The following CD72 variants were observed in gnomAD, a reference collection of about 807,000 sequenced individuals.
The protein encoded by CD72 is CD72 molecule.
In CD72, 28 loss-of-function variants were observed where a neutral mutation model predicts 50.7. That is an observed-to-expected ratio of 0.55 (90% CI 0.41 to 0.76). CD72 has a LOEUF of 0.76. CD72 is among the 30% of genes least tolerant of loss of function. The pLI is 0.00. For synonymous variants in CD72, 176 were observed against 171.2 expected, an observed-to-expected ratio of 1.03 and a Z score of -0.22; for missense variants, 403 against 420.6, an observed-to-expected ratio of 0.96 and a Z score of 0.37.
intron 1 of CD72, among the ~76,000 whole-genome samples, chr9:35,637,028 G>A (rs1384099382): frequency 3.3e-5 from 5 of 151,914 alleles, no homozygotes; most frequent in South Asian, 2.1e-4. Flanking sequence ...CCACCCTTGC[G>A]ATAAGTACTT....
chr9:35,640,843 C>G (rs1213631232), intron 1 of CD72, among the ~76,000 whole-genome samples: 1 of 152,226 alleles, frequency 6.6e-6, no homozygotes, highest in African/African-American at 2.4e-5. Context: ...CTTGAATGCC[C>G]GGGTTTATAT....
In CD72 at chr9:35,610,704, A is replaced by G. The variant is rs1587898966; in HGVS notation, c.1000T>C (p.Trp334Arg). 4 of 1,612,770 alleles carry G rather than the reference A, an allele frequency of 2.5e-6. No individual in the cohort carries two copies. The East Asian group carries it at 6.7e-5, about 27-fold the overall frequency. ...KCNKVHKTWS[W>R]WTLESESCRS... is the part of the protein sequence containing the mutation. Reference sequence around the variant, plus strand: ...CATGACTCTGACTCCAGTGTCCACCATGACCAAGTTTTATGTACCTTGTTA... The same window carrying G: ...CATGACTCTGACTCCAGTGTCCACCGTGACCAAGTTTTATGTACCTTGTTA... The change falls in exon 8 of 9, where the codon TGG (tryptophan) becomes CGG (arginine). Residue 334 changes from tryptophan (W) to arginine (R), a missense_variant. Physicochemically the swap from Trp to Arg is moderately radical, Grantham distance 101. Transcript: ENST00000259633.
chr9:35,622,680 A>C (rs966767559), upstream of CD72, among the ~76,000 whole-genome samples: 1 of 152,070 alleles, frequency 6.6e-6, no homozygotes, highest in Non-Finnish European at 1.5e-5. Context: ...CCAGCTACCC[A>C]GGAGGCTGAA....
upstream of CD72, among the ~76,000 whole-genome samples, chr9:35,622,599 C>T (rs1823154383): frequency 6.6e-6 from 1 of 151,972 alleles, no homozygotes; most frequent in Non-Finnish European, 1.5e-5. Context: ...CCAGCCTGGC[C>T]AATATGGTGA....
intron 5 of CD72, among the ~76,000 whole-genome samples, chr9:35,613,314 C>T (rs1158085672): frequency 1.3e-5 from 2 of 152,100 alleles, no homozygotes; most frequent in African/African-American, 4.8e-5. Flanking sequence ...CTCCTCCACT[C>T]CCTAAAGCAC....
intron 1 of CD72, among the ~76,000 whole-genome samples, chr9:35,631,602 G>A (rs1823246591): frequency 6.6e-6 from 1 of 151,980 alleles, no homozygotes; most frequent in Non-Finnish European, 1.5e-5. Context: ...CAGTTTAAAC[G>A]GCATAGAACG....
intron 1 of CD72, among the ~76,000 whole-genome samples, chr9:35,625,830 A>C (rs1587906171): frequency 1.3e-5 from 2 of 152,182 alleles, no homozygotes; most frequent in African/African-American, 4.8e-5. Flanking sequence ...CAAAGCCTGG[A>C]TGACAGCACA....
chr9:35,635,683 TG>T (rs1430921414), intron 1 of CD72, among the ~76,000 whole-genome samples: 1 of 152,220 alleles, frequency 6.6e-6, no homozygotes, highest in Non-Finnish European at 1.5e-5. Flanking sequence ...TTAGTTTTGC[TG>T]GTAGTTAAGA....
intron 1 of CD72, chr9:35,643,173 C>T (rs1191605026): frequency 6.6e-6 from 1 of 152,248 alleles, no homozygotes; most frequent in East Asian, 1.9e-4. Context: ...CTCGGGATTC[C>T]TCCTAGGCCG....
intron 1 of CD72, among the ~76,000 whole-genome samples, chr9:35,641,728 G>A (rs924497103): frequency 5.9e-5 from 9 of 152,032 alleles, no homozygotes; most frequent in African/African-American, 1.9e-4. Flanking sequence ...CTGCCTTGTG[G>A]CTCTTTTGGC....
At chr9:35,625,970 G>A (rs1268348294) in intron 1 of CD72, among the ~76,000 whole-genome samples, 2 of 152,054 alleles carry the variant, frequency 1.3e-5, no homozygotes, top group Non-Finnish European at 2.9e-5. Flanking sequence ...ATCTCTGATG[G>A]AGATTAACGT....
chr9:35,645,598 C>CAA (rs111699815), intron 1 of CD72, among the ~76,000 whole-genome samples: 8 of 149,750 alleles, frequency 5.3e-5, no homozygotes, highest in South Asian at 2.1e-4. Flanking sequence ...CAAAAACAAA[C>CAA]AAAAAAAAAC....
chr9:35,622,719 A>T (rs975298791), upstream of CD72, among the ~76,000 whole-genome samples: 1 of 152,004 alleles, frequency 6.6e-6, no homozygotes, highest in Non-Finnish European at 1.5e-5. Context: ...CCCGGGAGGC[A>T]GAGGTTGCAG....
intron 1 of CD72, among the ~76,000 whole-genome samples, chr9:35,629,896 T>G (rs1164436306): frequency 6.6e-6 from 1 of 152,268 alleles, no homozygotes; most frequent in Non-Finnish European, 1.5e-5. Flanking sequence ...CTCCAATGAC[T>G]TGAATTGTCA....
chr9:35,623,425 C>T (rs919667448), upstream of CD72, among the ~76,000 whole-genome samples: 5 of 152,210 alleles, frequency 3.3e-5, no homozygotes, highest in Admixed American at 2.6e-4. Flanking sequence ...AGCCCCCTTA[C>T]CAAATACATC....
At chr9:35,616,886 A>T (rs1427658566) in intron 3 of CD72, 197 bp from the exon 4 acceptor site, 2 of 1,119,874 alleles carry the variant, frequency 1.8e-6, no homozygotes, top group African/African-American at 3.2e-5. Context: ...TTCCAGAATC[A>T]GTGCTGGTGG....
In CD72 at chr9:35,611,756, G is replaced by A. The variant is rs1587899693; in HGVS notation, c.950+48C>T. On this transcript the variant is annotated intron_variant, in intron 7 of 8. Coordinates refer to ENST00000259633, the MANE Select transcript of CD72 (RefSeq NM_001782.3). ...GGAAATCTGATTACCATGTCTTTAT[G>A]GAGGGGATTATGGAGTTGAAAATAC... 8.2e-6 allele frequency: 8 copies of A among 977,118 alleles called. No individual in the cohort carries two copies. The East Asian group carries it at 1.9e-4, about 23-fold the overall frequency. The allele number at this position is 977,118 out of a possible 1,614,324, so 60.5% of individuals were successfully genotyped here.
At chr9:35,642,362 CT>C (rs1823348282) in intron 1 of CD72, among the ~76,000 whole-genome samples, 1 of 152,222 alleles carries the variant, frequency 6.6e-6, no homozygotes, top group Non-Finnish European at 1.5e-5. Context: ...CACAAGTCTC[CT>C]TTAGCAGTGA....
At chr9:35,618,897 T>A, upstream of CD72, 1 of 507,774 alleles carries the variant, frequency 2.0e-6, no homozygotes, top group Non-Finnish European at 3.3e-6. Flanking sequence ...GGAAGAGCCA[T>A]GGCTGCAGCA....
Sources: gnomAD v4.1 joint callset for allele counts (sites outside exome capture counted in the v4.1 genomes callset) on GRCh38, gnomAD v4.1.1 for gene constraint, MANE v1.5 for transcripts, NCBI Gene and HGNC (gene_info 2026-07-23, HGNC 2026-07-21) for gene names.